SNX18: variants seen among roughly 807,000 people sequenced by gnomAD.
The protein encoded by SNX18 is sorting nexin 18, also known as sorting nexin-18.
Under a neutral mutation model 48.7 loss-of-function variants are expected in SNX18, and 35 were observed. The ratio of observed to expected loss-of-function variants is 0.72; its 90% CI spans 0.55 to 0.95. The LOEUF (loss-of-function observed/expected upper bound fraction) is 0.95. Among genes scored for constraint, SNX18 ranks in the 40% least tolerant of loss-of-function variants. The pLI is 0.00. For missense variants in SNX18, 824 were observed against 871.0 expected, an observed-to-expected ratio of 0.95 and a Z score of 0.68; for synonymous variants, 492 against 384.7, an observed-to-expected ratio of 1.28 and a Z score of -3.26.
chr5:54,583,778 C>T, the SNX18 span, among the ~76,000 whole-genome samples: 1 of 152,222 alleles, frequency 6.6e-6, no homozygotes, highest in African/African-American at 2.4e-5. Flanking sequence ...AATCCTGTCC[C>T]TTCTTTGTGG....
the SNX18 span, among the ~76,000 whole-genome samples, chr5:54,647,448 G>A: frequency 6.6e-6 from 1 of 152,196 alleles, no homozygotes; most frequent in Non-Finnish European, 1.5e-5. Context: ...TGTTCACCTA[G>A]AGGAGAGGAA....
the SNX18 span, among the ~76,000 whole-genome samples, chr5:54,585,658 A>AT: frequency 2.8e-3 from 421 of 152,090 alleles, 6 homozygotes; most frequent in Admixed American, 0.022. Flanking sequence ...TAGCAGGAGG[A>AT]TAAAAAAAGA....
chr5:54,627,395 A>T, the SNX18 span, among the ~76,000 whole-genome samples: 1 of 152,204 alleles, frequency 6.6e-6, no homozygotes, highest in Non-Finnish European at 1.5e-5. Context: ...TTTGAGGCCC[A>T]TCCAGTATTG....
the SNX18 span, among the ~76,000 whole-genome samples, chr5:54,575,368 CTTTTTTTTT>C: frequency 8.9e-6 from 1 of 111,742 alleles, no homozygotes; most frequent in South Asian, 2.9e-4. Context: ...CTCCCCACTG[CTTTTTTTTT>C]TTTTTTTTTT....
chr5:54,546,338 A>G lies in SNX18; in HGVS notation c.*2906A>G, dbSNP rs900470973. On this transcript the variant is annotated 3_prime_UTR_variant, in exon 2 of 2. Coordinates refer to ENST00000381410, the MANE Select transcript of SNX18 (RefSeq NM_001102575.2). ...AAATGTCATTCTTAAGTTCATTGCCATAGCCATTTTCCATTTATGTCTTCA... is the reference window on the plus strand; with the variant it reads ...AAATGTCATTCTTAAGTTCATTGCCGTAGCCATTTTCCATTTATGTCTTCA... 4 of 152,230 alleles carry G rather than the reference A, an allele frequency of 2.6e-5. No homozygotes were observed. Among genetic ancestry groups the G allele is most frequent in the Admixed American group, 2.0e-4 (3 of 15,282 alleles). 9.4% of individuals were successfully genotyped at this position (152,230 alleles called of 1,614,324 possible).
At chr5:54,571,439 A>G in the SNX18 span, among the ~76,000 whole-genome samples, 1 of 152,296 alleles carries the variant, frequency 6.6e-6, no homozygotes, top group South Asian at 2.1e-4. Context: ...AGGGATCTTT[A>G]CCTGCTCTGG....
the SNX18 span, among the ~76,000 whole-genome samples, chr5:54,611,193 G>A: frequency 5.9e-5 from 9 of 152,228 alleles, no homozygotes; most frequent in Admixed American, 1.3e-4. Flanking sequence ...TAAGATAGAC[G>A]CATTTCCCTG....
chr5:54,591,264 C>G, the SNX18 span, among the ~76,000 whole-genome samples: 1 of 152,082 alleles, frequency 6.6e-6, no homozygotes. Context: ...ATTACAGCCT[C>G]AACCTCCTGG....
At position 54,519,090 on chromosome 5, in the gene SNX18, A is replaced by G; in HGVS notation, c.1138A>G (p.Thr380Ala). ...AQCDVFQHFLTCPSSTDEKAW... is the reference protein window; with the variant it reads ...AQCDVFQHFLACPSSTDEKAW... ...GTGCGACGTCTTCCAGCACTTCCTG[A>G]CGTGCCCCAGCAGCACCGACGAGAA... The change falls in exon 1 of 2, where the codon ACG (threonine) becomes GCG (alanine). Residue 380 changes from threonine to alanine, a missense_variant. Physicochemically the swap from Thr to Ala is moderately conservative, Grantham distance 58. Transcript: ENST00000381410. 1 of 1,613,996 alleles carries G rather than the reference A, an allele frequency of 6.2e-7. No individual in the cohort carries two copies. Among genetic ancestry groups the G allele is most frequent in the Non-Finnish European group, 8.5e-7 (1 of 1,180,022 alleles).
rs1260195394 is a variant in SNX18, at chr5:54,545,688, T to C, written c.*2256T>C. On this transcript the variant is annotated 3_prime_UTR_variant, in exon 2 of 2. Transcript: ENST00000381410. ...AATTCTATGGGGGAGGACACTAGAATTATTAGTGTTCATTTTCATCTAAGA... is the reference window on the plus strand; with the variant it reads ...AATTCTATGGGGGAGGACACTAGAACTATTAGTGTTCATTTTCATCTAAGA... 1.3e-5 allele frequency: 2 copies of C among 152,164 alleles called. No individual in the cohort carries two copies. The highest frequency in any genetic ancestry group is 4.8e-5 in the African/African-American group (2 of 41,440). The allele number at this position is 152,164 out of a possible 1,614,324, so 9.4% of individuals were successfully genotyped here. A position where few individuals can be genotyped will look rare whatever the true frequency, so the allele number is the denominator to read the frequency against.
At chr5:54,563,948 C>A in the SNX18 span, among the ~76,000 whole-genome samples, 1 of 151,926 alleles carries the variant, frequency 6.6e-6, no homozygotes, top group Non-Finnish European at 1.5e-5. Flanking sequence ...TTATACATTT[C>A]TTTTTCAACT....
At chr5:54,526,178 C>T (rs1417315287) in intron 1 of SNX18, among the ~76,000 whole-genome samples, 1 of 152,214 alleles carries the variant, frequency 6.6e-6, no homozygotes, top group Non-Finnish European at 1.5e-5. Flanking sequence ...GATCTCGGCT[C>T]ACTGCAACCT....
chr5:54,644,275 A>C, the SNX18 span: 1 of 152,250 alleles, frequency 6.6e-6, no homozygotes, highest in Non-Finnish European at 1.5e-5. Context: ...TTTCACAGCC[A>C]AGAGTGATGA....
At chr5:54,626,683 A>G in the SNX18 span, among the ~76,000 whole-genome samples, 1 of 152,212 alleles carries the variant, frequency 6.6e-6, no homozygotes, top group African/African-American at 2.4e-5. Flanking sequence ...ACCGTCATCT[A>G]ATAGGTAGAG....
the SNX18 span, among the ~76,000 whole-genome samples, chr5:54,640,260 C>T: frequency 6.6e-6 from 1 of 151,326 alleles, no homozygotes; most frequent in African/African-American, 2.4e-5. Flanking sequence ...ATCACCCAGA[C>T]TGGAGTGCGG....
chr5:54,543,256 C>A lies in SNX18; in HGVS notation c.1699C>A (p.Gln567Lys). 1 of 1,614,156 alleles carries A rather than the reference C, an allele frequency of 6.2e-7. No individual in the cohort carries two copies. The highest frequency in any genetic ancestry group is 1.1e-5 in the South Asian group (1 of 91,082). ...GGAGGTGCAGAAGGCTGACGGCATTCAGGATCGCTGTAACACTATTTCTTT... is the reference window on the plus strand; with the variant it reads ...GGAGGTGCAGAAGGCTGACGGCATTAAGGATCGCTGTAACACTATTTCTTT... ...KMEVQKADGIQDRCNTISFAT... is the reference protein window; with the variant it reads ...KMEVQKADGIKDRCNTISFAT... Residue 567 changes from glutamine (Q) to lysine (K), a missense_variant, in exon 2 of 2, where the codon CAG becomes AAG. Physicochemically the swap from Gln to Lys is moderately conservative, Grantham distance 53. Transcript: ENST00000381410.
chr5:54,517,853 C>G lies in SNX18; in HGVS notation c.-100C>G. 3 of 1,273,846 alleles carry G rather than the reference C, an allele frequency of 2.4e-6. No homozygotes were observed. The highest frequency in any genetic ancestry group is 1.6e-5 in the African/African-American group (1 of 63,582). 78.9% of individuals were successfully genotyped at this position (1,273,846 alleles called of 1,614,324 possible). A position where few individuals can be genotyped will look rare whatever the true frequency, so the allele number is the denominator to read the frequency against. ...GCGTGGGTTTGCCGCCTTCGGGGCT[C>G]CAGTCCGCGCGCCAGGGCTCGAGCA... is the stretch of plus-strand genomic sequence containing the variant. On this transcript the variant is annotated 5_prime_UTR_variant, in exon 1 of 2. Coordinates refer to ENST00000381410, the MANE Select transcript of SNX18 (RefSeq NM_001102575.2).
intron 1 of SNX18, among the ~76,000 whole-genome samples, chr5:54,534,725 A>C (rs1481085369): frequency 6.6e-6 from 1 of 151,352 alleles, no homozygotes; most frequent in Non-Finnish European, 1.5e-5. Context: ...AGAAATTTCC[A>C]GGAAAGTTGT....
Position 54,536,434 on chromosome 5 carries a change from A to G in SNX18, c.1622-6745A>G, listed in dbSNP as rs1441028938. ...TGTGATGTTCCCCTTCCTGTGTCCA[A>G]GTGTTCTCATTGTTCAATTCCACCT... On this transcript the variant is annotated intron_variant, in intron 1 of 1. Transcript: ENST00000381410. 6.2e-5 allele frequency among the ~76,000 whole-genome samples: 9 copies of G among 144,500 alleles called. No homozygotes were observed. The South Asian group carries it at 6.5e-4, about 11-fold the overall frequency. 94.8% of individuals were successfully genotyped at this position (144,500 alleles called of 152,430 possible). A position where few individuals can be genotyped will look rare whatever the true frequency, so the allele number is the denominator to read the frequency against.
Sources: allele counts gnomAD v4.1 joint callset (sites outside exome capture counted in the v4.1 genomes callset), GRCh38; gene constraint gnomAD v4.1.1; transcripts MANE v1.5; gene names NCBI Gene and HGNC (gene_info 2026-07-23, HGNC 2026-07-21).